Variants in TENM2 observed in about 807,000 individuals in gnomAD.
TENM2 encodes teneurin transmembrane protein 2.
TENM2 carries 52 observed loss-of-function variants against 245.2 expected under a neutral mutation model. That is an observed-to-expected ratio of 0.21 (90% CI 0.17 to 0.27). The LOEUF (loss-of-function observed/expected upper bound fraction) is 0.27, where lower values mean the gene tolerates loss of function less well. Ranked by LOEUF, TENM2 falls within the 10% of genes least tolerant of loss-of-function variation. TENM2 has a pLI of 1.00. For synonymous variants in TENM2, 1,363 were observed against 1,438.9 expected (o/e 0.95, Z 1.19); for missense variants, 3,046 against 3,666.8 (o/e 0.83, Z 4.37).
chr5:167,752,674 A>G (rs1762038032), intron 2 of TENM2, among the ~76,000 whole-genome samples: 1 of 152,176 alleles, frequency 6.6e-6, no homozygotes. Context: ...CCATGATTTC[A>G]TTCACATTGG....
chr5:167,583,315 C>T (rs1775225563), intron 2 of TENM2, among the ~76,000 whole-genome samples: 1 of 152,150 alleles, frequency 6.6e-6, no homozygotes, highest in African/African-American at 2.4e-5. Context: ...TATTTGTTTA[C>T]TTACACTAGC....
At chr5:167,209,593 G>C in the TENM2 span, among the ~76,000 whole-genome samples, 1 of 152,086 alleles carries the variant, frequency 6.6e-6, no homozygotes, top group Non-Finnish European at 1.5e-5. Context: ...TATATTGACT[G>C]CTTAAGGTTC....
chr5:167,086,041 A>G, the TENM2 span, among the ~76,000 whole-genome samples: 1 of 152,206 alleles, frequency 6.6e-6, no homozygotes, highest in Non-Finnish European at 1.5e-5. Flanking sequence ...CCACAACTGA[A>G]GGATGATTCT....
chr5:168,173,005 A>G (rs891111225), intron 13 of TENM2, among the ~76,000 whole-genome samples: 7 of 151,972 alleles, frequency 4.6e-5, no homozygotes, highest in Middle Eastern at 3.4e-3. Flanking sequence ...CTTCCTCCCC[A>G]CTCACAACCA....
At chr5:167,161,445 T>C in the TENM2 span, among the ~76,000 whole-genome samples, 2 of 152,192 alleles carry the variant, frequency 1.3e-5, no homozygotes, top group Non-Finnish European at 2.9e-5. Context: ...AGGAAGGTAA[T>C]GTCTTAAGAA....
chr5:168,227,223 G>A (rs1238279205), intron 24 of TENM2, among the ~76,000 whole-genome samples: 1 of 152,188 alleles, frequency 6.6e-6, no homozygotes, highest in Non-Finnish European at 1.5e-5. Flanking sequence ...AAGGTCAGAC[G>A]TCTGATTGAC....
chr5:166,985,840 C>T, the TENM2 span, among the ~76,000 whole-genome samples: 1 of 152,062 alleles, frequency 6.6e-6, no homozygotes, highest in Non-Finnish European at 1.5e-5. Flanking sequence ...TGAAAGTCAT[C>T]ACCCAAAAAA....
the TENM2 span, among the ~76,000 whole-genome samples, chr5:167,144,402 G>A: frequency 2.6e-5 from 4 of 152,146 alleles, no homozygotes; most frequent in South Asian, 6.2e-4. Context: ...AGGAAGCCCC[G>A]GTGCTTTGTT....
intron 7 of TENM2, among the ~76,000 whole-genome samples, chr5:168,085,960 C>T (rs1282801160): frequency 2.0e-5 from 3 of 152,198 alleles, no homozygotes; most frequent in Admixed American, 6.5e-5. Flanking sequence ...CAGGCTTCCC[C>T]GGGAAATGTC....
At chr5:167,203,643 C>T in the TENM2 span, among the ~76,000 whole-genome samples, 17 of 152,244 alleles carry the variant, frequency 1.1e-4, no homozygotes, top group African/African-American at 3.1e-4. Context: ...AAAATGTTAG[C>T]GACCATTTCT....
At chr5:168,063,836 T>C (rs1438484504) in intron 7 of TENM2, among the ~76,000 whole-genome samples, 5 of 152,150 alleles carry the variant, frequency 3.3e-5, no homozygotes, top group African/African-American at 1.2e-4. Context: ...AAATGATCAA[T>C]ATAAGAACTA....
chr5:167,995,814 G>A (rs1784011400), intron 5 of TENM2, among the ~76,000 whole-genome samples: 2 of 152,218 alleles, frequency 1.3e-5, no homozygotes, highest in South Asian at 4.1e-4. Flanking sequence ...CATAAACAGT[G>A]CATTGCAAAC....
At chr5:167,258,231 A>G in the TENM2 span, among the ~76,000 whole-genome samples, 163 of 95,976 alleles carry the variant, frequency 1.7e-3, 1 homozygote, top group South Asian at 0.037. Context: ...ATATATGTGT[A>G]TATATATATA....
At chr5:167,952,556 A>G (rs771894931) in intron 3 of TENM2, 32 bp from the exon 6 acceptor site, 2 of 1,548,218 alleles carry the variant, frequency 1.3e-6, no homozygotes, top group South Asian at 2.4e-5. Flanking sequence ...GAATTTGCAG[A>G]CGCTAACAGT....
chr5:167,764,738 A>G (rs146326598), intron 2 of TENM2, among the ~76,000 whole-genome samples: 1 of 152,236 alleles, frequency 6.6e-6, no homozygotes, highest in East Asian at 1.9e-4. Flanking sequence ...CAAGTTGCAT[A>G]TTTATGATCT....
At chr5:167,345,442 T>A (rs1454921707) in intron 1 of TENM2, among the ~76,000 whole-genome samples, 5 of 152,176 alleles carry the variant, frequency 3.3e-5, no homozygotes, top group African/African-American at 1.2e-4. Flanking sequence ...CTGGGGAACA[T>A]GAACAGACAG....
At chr5:167,662,130 A>T (rs1261134755) in intron 2 of TENM2, among the ~76,000 whole-genome samples, 1 of 152,216 alleles carries the variant, frequency 6.6e-6, no homozygotes, top group Non-Finnish European at 1.5e-5. Context: ...AAAGAAGCTG[A>T]TGCTTGGCAG....
chr5:167,683,527 A>T (rs577927142), intron 2 of TENM2, among the ~76,000 whole-genome samples: 2 of 152,310 alleles, frequency 1.3e-5, no homozygotes, highest in African/African-American at 2.4e-5. Context: ...ATAATCCCAA[A>T]AGCTACTGAT....
At chr5:167,792,747 AG>A (rs1043447099) in intron 2 of TENM2, among the ~76,000 whole-genome samples, 4 of 151,790 alleles carry the variant, frequency 2.6e-5, no homozygotes, top group African/African-American at 9.7e-5. Context: ...AAAAAAAAAA[AG>A]GTGACTCATT....
Sources: allele counts gnomAD v4.1 joint callset (sites outside exome capture counted in the v4.1 genomes callset), GRCh38; gene constraint gnomAD v4.1.1; transcripts MANE v1.5; gene names NCBI Gene and HGNC (gene_info 2026-07-23, HGNC 2026-07-21).